Variants in HEATR9 observed in about 807,000 individuals in gnomAD.
HEATR9 encodes protein HEATR9.
HEATR9 carries 54 observed loss-of-function variants against 68.2 expected under a neutral mutation model. The observed-to-expected ratio is 0.79, with a 90% CI of 0.64 to 0.99. The LOEUF (loss-of-function observed/expected upper bound fraction) is 0.99, where lower values mean the gene tolerates loss of function less well. Ranked by LOEUF, HEATR9 falls within the 50% of genes least tolerant of loss-of-function variation. HEATR9 has a pLI of 0.00. For missense variants in HEATR9, 662 were observed against 679.7 expected (o/e 0.97, Z 0.29); for synonymous variants, 241 against 253.5 (o/e 0.95, Z 0.47).
At chr17:35,864,400 C>A in intron 5 of HEATR9, 97 bp downstream of exon 5, 1 of 1,533,642 alleles carries the variant, frequency 6.5e-7, no homozygotes, top group African/African-American at 1.4e-5. Context: ...CTTGGAATAC[C>A]ATCCCCACAA....
intron 8 of HEATR9, chr17:35,861,391 G>C (rs1023163538): frequency 1.4e-5 from 23 of 1,606,506 alleles, no homozygotes; most frequent in Non-Finnish European, 1.9e-5. Flanking sequence ...CTCTTTACCA[G>C]CTGCTTTCCG....
chr17:35,867,079 G>A (rs967665195), intron 1 of HEATR9, among the ~76,000 whole-genome samples: 17 of 144,478 alleles, frequency 1.2e-4, no homozygotes, highest in South Asian at 4.5e-4. Context: ...GTGAAACCCC[G>A]TCTCCACTAA....
intron 8 of HEATR9, among the ~76,000 whole-genome samples, chr17:35,859,592 A>G (rs2087904636): frequency 6.6e-6 from 1 of 152,110 alleles, no homozygotes. Context: ...CTTAAATTCC[A>G]TGATCCTGCT....
At chr17:35,856,668 CACTG>C in intron 12 of HEATR9, 60 bp downstream of exon 12, 1 of 1,421,600 alleles carries the variant, frequency 7.0e-7, no homozygotes, top group Non-Finnish European at 9.7e-7. Context: ...CTGACCCTCT[CACTG>C]ACCCTCTGCC....
At position 35,855,685 on chromosome 17, in the gene HEATR9, GT is replaced by G. The variant is rs768349181; in HGVS notation, c.1343del (p.Asn448ThrfsTer5). The G allele has an allele frequency of 6.2e-7, 1 of 1,614,116 alleles. No homozygotes were observed. Among genetic ancestry groups the G allele is most frequent in the Non-Finnish European group, 8.5e-7 (1 of 1,179,998 alleles). ...HLLLDLLDAE[N>X]HQAVKKSLQE... Reference sequence around the variant, plus strand: ...TTACACTCTTCTTCACAGCCTGGTGGTTTTCTGCATCTAGTAAGTCCAGGAG... The same window carrying G: ...TTACACTCTTCTTCACAGCCTGGTGGTTTCTGCATCTAGTAAGTCCAGGAG... On this transcript the variant is annotated frameshift_variant, in exon 14 of 15. Transcript: ENST00000604834. LOFTEE classifies it low-confidence loss of function (END_TRUNC).
chr17:35,858,713 C>T (rs547809745), intron 9 of HEATR9, among the ~76,000 whole-genome samples, 175 bp downstream of exon 9: 4 of 152,286 alleles, frequency 2.6e-5, no homozygotes, highest in East Asian at 3.9e-4. Flanking sequence ...ATCAAATATA[C>T]ACAGACACAT....
intron 8 of HEATR9, chr17:35,861,379 A>G (rs911088439): frequency 6.9e-6 from 11 of 1,599,820 alleles, no homozygotes; most frequent in Non-Finnish European, 9.4e-6. Flanking sequence ...ATCCACTGTA[A>G]GCTCTTTACC....
At chr17:35,863,428 C>G in intron 7 of HEATR9, 74 bp downstream of exon 7, 2 of 1,459,492 alleles carry the variant, frequency 1.4e-6, no homozygotes, top group Non-Finnish European at 1.9e-6. Flanking sequence ...ATGCTCCTCA[C>G]CCATTTGTCC....
At chr17:35,856,675 C>T in intron 12 of HEATR9, 57 bp downstream of exon 12, 1 of 1,469,306 alleles carries the variant, frequency 6.8e-7, no homozygotes, top group Admixed American at 1.9e-5. Context: ...TCTCACTGAC[C>T]CTCTGCCCCC....
chr17:35,864,470 C>A, intron 5 of HEATR9, 27 bp downstream of exon 5: 1 of 1,610,000 alleles, frequency 6.2e-7, no homozygotes, highest in Non-Finnish European at 8.5e-7. Flanking sequence ...GCTGTAACCA[C>A]CCTCCTCTAT....
intron 4 of HEATR9, 59 bp downstream of exon 4, chr17:35,864,699 C>T: frequency 1.2e-6 from 2 of 1,609,696 alleles, no homozygotes; most frequent in Non-Finnish European, 1.7e-6. Flanking sequence ...GGTGTGAGCC[C>T]AAGGGAAGGG....
rs1005118388 is a variant in HEATR9 at position 35,859,082 on chromosome 17, A to G, written c.757-12T>C. On this transcript the variant is annotated splice_polypyrimidine_tract_variant and intron_variant, in intron 8 of 14. Coordinates refer to ENST00000604834, the MANE Select transcript of HEATR9 (RefSeq NM_152781.4). The stretch of plus-strand genomic sequence containing the variant: ...CCGACTTGAGTCCTCTGTGAGGGAG[A>G]CAAAATGGCTAAGGGGAGGGGCTAT... 1.2e-5 allele frequency: 20 copies of G among 1,612,366 alleles called. No homozygotes were observed. Among genetic ancestry groups the G allele is most frequent in the Non-Finnish European group, 1.4e-5 (16 of 1,178,718 alleles).
rs747441709 is a variant in HEATR9 at position 35,858,265 on chromosome 17, C to G, written c.1087G>C (p.Ala363Pro). 6.2e-7 allele frequency: 1 copy of G among 1,614,140 alleles called. No individual in the cohort carries two copies. Among genetic ancestry groups the G allele is most frequent in the Admixed American group, 1.7e-5 (1 of 60,016 alleles). The change falls in exon 11 of 15, where the codon GCA becomes CCA. Residue 363 changes from alanine to proline, a missense_variant. By Grantham distance (27) the Ala-to-Pro change is conservative (BLOSUM62 -1). Transcript: ENST00000604834. ...LKTIGLEQIQ[A>P]QGLEELTFNL... Reference sequence around the variant, plus strand: ...AATGTGAGTTCCTCTAGCCCCTGTGCCTGGATCTGTTCCAGCCCAATGGTC... The same window carrying G: ...AATGTGAGTTCCTCTAGCCCCTGTGGCTGGATCTGTTCCAGCCCAATGGTC...
chr17:35,855,056 A>C lies in HEATR9; in HGVS notation c.*7T>G. 6.2e-7 allele frequency: 1 copy of C among 1,608,968 alleles called. No individual in the cohort carries two copies. The highest frequency in any genetic ancestry group is 8.5e-7 in the Non-Finnish European group (1 of 1,177,358). On this transcript the variant is annotated 3_prime_UTR_variant, in exon 15 of 15. Coordinates refer to ENST00000604834, the MANE Select transcript of HEATR9 (RefSeq NM_152781.4). The stretch of plus-strand genomic sequence containing the variant: ...AGGGAGTCGGGGAGTAGGCCCAAAG[A>C]ATTGACTTATTTGGCAATTTCAGCA...
chr17:35,859,345 T>C (rs902506183), intron 8 of HEATR9, among the ~76,000 whole-genome samples: 1 of 152,162 alleles, frequency 6.6e-6, no homozygotes, highest in African/African-American at 2.4e-5. Flanking sequence ...ATCCCATACC[T>C]CTCCTCCAAT....
intron 6 of HEATR9, chr17:35,863,882 T>C: frequency 1.8e-6 from 1 of 545,394 alleles, no homozygotes; most frequent in Admixed American, 3.2e-5. Flanking sequence ...AAGAGTTAAA[T>C]GAGATTATGG....
rs544802130 is a variant in HEATR9, at chr17:35,868,765, A to G, written c.-23T>C. 8 of 1,612,294 alleles carry G rather than the reference A, an allele frequency of 5.0e-6. No homozygotes were observed. The highest frequency in any genetic ancestry group is 2.2e-5 in the East Asian group (1 of 44,864). On this transcript the variant is annotated 5_prime_UTR_variant, in exon 1 of 15. Transcript: ENST00000604834. ...CATCTTCTTCTCCTGGTGGGGCCAGAGGGAACCTGCAGGGGGGAATACAAG... is the reference window on the plus strand; with the variant it reads ...CATCTTCTTCTCCTGGTGGGGCCAGGGGGAACCTGCAGGGGGGAATACAAG...
chr17:35,860,491 A>AT (rs988770366), intron 8 of HEATR9, among the ~76,000 whole-genome samples: 1 of 137,500 alleles, frequency 7.3e-6, no homozygotes, highest in Non-Finnish European at 1.6e-5. Context: ...TTATTTATTT[A>AT]TTTATTTATT....
chr17:35,868,080 C>T (rs118016534), intron 1 of HEATR9, among the ~76,000 whole-genome samples: 1 of 152,260 alleles, frequency 6.6e-6, no homozygotes, highest in East Asian at 1.9e-4. Context: ...CGTGCCCAGT[C>T]GAGAATTTGC....
Sources: gnomAD v4.1 joint callset for allele counts (sites outside exome capture counted in the v4.1 genomes callset) on GRCh38, gnomAD v4.1.1 for gene constraint, MANE v1.5 for transcripts, NCBI Gene and HGNC (gene_info 2026-07-23, HGNC 2026-07-21) for gene names.